The following EPHA7 variants were observed in gnomAD, a reference collection of about 807,000 sequenced individuals.
EPHA7 encodes the protein EPH receptor A7, also known as ephrin type-A receptor 7.
A neutral mutation model predicts 112.6 loss-of-function variants in EPHA7; 25 were observed. The observed-to-expected ratio is 0.22, with a 90% CI of 0.16 to 0.31. The LOEUF (loss-of-function observed/expected upper bound fraction) is 0.31. EPHA7 is among the 10% of genes least tolerant of loss of function. EPHA7 has a pLI of 1.00. For missense variants in EPHA7, 962 were observed against 1,212.6 expected (o/e 0.79, Z 3.07); for synonymous variants, 437 against 406.5 (o/e 1.07, Z -0.90).
At position 93,255,953 on chromosome 6, in the gene EPHA7, C is replaced by T; in HGVS notation, c.2257G>A (p.Gly753Arg). Residue 753 changes from glycine (G) to arginine (R), a missense_variant, in exon 13 of 17, where the codon GGA becomes AGA. Physicochemically the swap from Gly to Arg is moderately radical, Grantham distance 125. This residue lies in a region of EPHA7 where 746 missense variants were observed against 889.2 expected (regional missense o/e 0.84). Transcript: ENST00000369303. ...AAGMRYLADM[G>R]YVHRDLAARN... ...GCTGCAAGGTCCCTGTGAACATATC[C>T]CATATCAGCCAAATATCTCATTCCA... 1 of 1,613,974 alleles carries T rather than the reference C, an allele frequency of 6.2e-7. No individual in the cohort carries two copies. Among genetic ancestry groups the T allele is most frequent in the African/African-American group, 1.3e-5 (1 of 74,988 alleles).
At chr6:93,246,701 C>T (rs1769968048) in intron 15 of EPHA7, 91 bp downstream of exon 15, 3 of 1,113,292 alleles carry the variant, frequency 2.7e-6, no homozygotes, top group Non-Finnish European at 3.8e-6. Flanking sequence ...ACACAAAAGT[C>T]AATTTGCCAT....
intron 5 of EPHA7, among the ~76,000 whole-genome samples, chr6:93,297,204 T>C (rs1177541196): frequency 1.3e-5 from 2 of 152,066 alleles, no homozygotes; most frequent in Non-Finnish European, 2.9e-5. Flanking sequence ...AAAACTGTCT[T>C]CACAGAAGGC....
chr6:93,249,216 A>G (rs1770096288), intron 14 of EPHA7, among the ~76,000 whole-genome samples: 1 of 152,160 alleles, frequency 6.6e-6, no homozygotes, highest in Admixed American at 6.5e-5. Context: ...AAAGCTATAC[A>G]TCAAACAAAT....
In EPHA7 at chr6:93,264,610, A is replaced by G; in HGVS notation, c.1726T>C (p.Phe576Leu). The change falls in exon 8 of 17, where the codon TTC becomes CTC. Residue 576 changes from phenylalanine to leucine, a missense_variant. Phe to Leu is a conservative substitution (Grantham distance 22). Coordinates refer to ENST00000369303, the MANE Select transcript of EPHA7 (RefSeq NM_004440.4). ...TIILVFMVFGFIIGRRHCGYS... is the reference protein window; with the variant it reads ...TIILVFMVFGLIIGRRHCGYS... ...GTGTTCTACCTTCTCCCAATGATGA[A>G]GCCAAAGACCATGAACACCAAAATG... The G allele has an allele frequency of 6.2e-7, 1 of 1,604,336 alleles. No homozygotes were observed. The highest frequency in any genetic ancestry group is 8.5e-7 in the Non-Finnish European group (1 of 1,173,688).
At chr6:93,335,215 T>G (rs1226092660) in intron 5 of EPHA7, among the ~76,000 whole-genome samples, 2 of 152,142 alleles carry the variant, frequency 1.3e-5, no homozygotes, top group Non-Finnish European at 2.9e-5. Context: ...CTAGTCTTAC[T>G]TTTTTCTGCT....
At chr6:93,273,315 G>C (rs1304783046) in intron 5 of EPHA7, among the ~76,000 whole-genome samples, 3 of 151,804 alleles carry the variant, frequency 2.0e-5, no homozygotes, top group African/African-American at 7.3e-5. Flanking sequence ...TTTCAGTGGG[G>C]TCATTATGTT....
At chr6:93,411,296 A>G in intron 2 of EPHA7, 126 bp from the exon 3 acceptor site, 1 of 715,014 alleles carries the variant, frequency 1.4e-6, no homozygotes, top group Non-Finnish European at 2.3e-6. Context: ...TGGCAAAACT[A>G]TAAACCAGAG....
rs920772642 is a variant in EPHA7 at position 93,242,595 on chromosome 6, G to C, written c.*831C>G. 3 of 213,134 alleles carry C rather than the reference G, an allele frequency of 1.4e-5. No homozygotes were observed. The highest frequency in any genetic ancestry group is 1.9e-5 in the Non-Finnish European group (2 of 105,260). 13.2% of individuals were successfully genotyped at this position (213,134 alleles called of 1,614,324 possible). ...TTATATACTCATAAACCTAAACTTC[G>C]AGTTTATTAAATTCTTTCTAGTAAA... On this transcript the variant is annotated 3_prime_UTR_variant, in exon 17 of 17. Transcript: ENST00000369303.
intron 5 of EPHA7, among the ~76,000 whole-genome samples, chr6:93,305,405 C>T (rs1773204337): frequency 6.6e-6 from 1 of 151,600 alleles, no homozygotes; most frequent in South Asian, 2.1e-4. Flanking sequence ...TATTATGAAT[C>T]CCTATAGGGG....
intron 5 of EPHA7, among the ~76,000 whole-genome samples, chr6:93,325,187 C>T (rs1202624641): frequency 6.6e-6 from 1 of 151,262 alleles, no homozygotes; most frequent in Admixed American, 6.6e-5. Context: ...TAAGCTATAG[C>T]TCAATTTTAA....
intron 14 of EPHA7, among the ~76,000 whole-genome samples, chr6:93,247,855 G>C (rs955921721): frequency 2.6e-5 from 4 of 151,954 alleles, no homozygotes; most frequent in Non-Finnish European, 4.4e-5. Flanking sequence ...TGAAAAATAG[G>C]CCCCTATAAA....
chr6:93,288,517 A>G (rs1772189862), intron 5 of EPHA7, among the ~76,000 whole-genome samples: 1 of 152,220 alleles, frequency 6.6e-6, no homozygotes, highest in Admixed American at 6.5e-5. Flanking sequence ...AAATCACTGA[A>G]TTATACATTT....
chr6:93,400,062 A>G (rs1017610617), intron 3 of EPHA7, among the ~76,000 whole-genome samples: 1 of 152,046 alleles, frequency 6.6e-6, no homozygotes, highest in African/African-American at 2.4e-5. Context: ...TGAGGGGCAT[A>G]TCCTACCGCA....
chr6:93,396,896 G>C (rs1778200103), intron 3 of EPHA7, among the ~76,000 whole-genome samples: 1 of 151,620 alleles, frequency 6.6e-6, no homozygotes, highest in African/African-American at 2.4e-5. Flanking sequence ...TAACCCTTTT[G>C]TTAGACTGTA....
chr6:93,270,781 G>T (rs1296923684), intron 6 of EPHA7, among the ~76,000 whole-genome samples: 1 of 151,662 alleles, frequency 6.6e-6, no homozygotes, highest in Admixed American at 6.6e-5. Context: ...TGTATTACAT[G>T]TATTTATCTC....
intron 3 of EPHA7, among the ~76,000 whole-genome samples, chr6:93,365,669 T>C (rs1166530119): frequency 6.6e-6 from 1 of 152,130 alleles, no homozygotes; most frequent in African/African-American, 2.4e-5. Flanking sequence ...GCAGGGAGGA[T>C]AAAAACAACA....
chr6:93,314,976 C>A (rs952074280), intron 5 of EPHA7, among the ~76,000 whole-genome samples: 66 of 147,552 alleles, frequency 4.5e-4, no homozygotes, highest in Non-Finnish European at 8.8e-4. Context: ...CATTCTCCTG[C>A]CTCAGCCTCC....
chr6:93,394,763 C>T (rs140665713), intron 3 of EPHA7, among the ~76,000 whole-genome samples: 4 of 151,896 alleles, frequency 2.6e-5, no homozygotes, highest in Non-Finnish European at 4.4e-5. Context: ...CAATTAGATG[C>T]AGATCTGTCC....
chr6:93,282,459 A>G (rs937589079), intron 5 of EPHA7, among the ~76,000 whole-genome samples: 1 of 152,262 alleles, frequency 6.6e-6, no homozygotes, highest in Non-Finnish European at 1.5e-5. Context: ...TTCACTGCAG[A>G]TAGTAATGAG....
Sources: allele counts gnomAD v4.1 joint callset (sites outside exome capture counted in the v4.1 genomes callset), GRCh38; gene constraint gnomAD v4.1.1; regional missense constraint gnomAD v4.1.1; transcripts MANE v1.5; gene names NCBI Gene and HGNC (gene_info 2026-07-23, HGNC 2026-07-21).